The following BIK variants were observed in gnomAD, a reference collection of about 807,000 sequenced individuals.
BIK encodes bcl-2-interacting killer.
A neutral mutation model predicts 12.1 loss-of-function variants in BIK; 14 were observed. The ratio of observed to expected loss-of-function variants is 1.16; its 90% CI spans 0.77 to 1.81. The LOEUF (loss-of-function observed/expected upper bound fraction) is 1.81, where lower values mean the gene tolerates loss of function less well. Ranked by LOEUF, BIK falls within the 40% of genes most tolerant of loss-of-function variation. The probability of loss-of-function intolerance (pLI) is 0.00; values close to 1 mark genes in which losing one functional copy is unlikely to be tolerated. For synonymous variants in BIK, 86 were observed against 92.3 expected, an observed-to-expected ratio of 0.93 and a Z score of 0.39; for missense variants, 215 against 207.9, an observed-to-expected ratio of 1.03 and a Z score of -0.21.
chr22:43,121,400 C>T (rs1930216547), intron 1 of BIK, among the ~76,000 whole-genome samples: 1 of 152,186 alleles, frequency 6.6e-6, no homozygotes, highest in Admixed American at 6.6e-5. Context: ...CTGCACTCTG[C>T]TGCAGACCCT....
chr22:43,114,620 G>T (rs1930075095), intron 1 of BIK, among the ~76,000 whole-genome samples: 2 of 152,066 alleles, frequency 1.3e-5, no homozygotes, highest in Non-Finnish European at 2.9e-5. Flanking sequence ...CATTTATTGT[G>T]TGTGACAGTA....
intron 1 of BIK, among the ~76,000 whole-genome samples, chr22:43,123,420 T>C (rs1365413919): frequency 2.0e-5 from 3 of 152,070 alleles, no homozygotes; most frequent in Admixed American, 6.6e-5. Context: ...CGAGGAGAAC[T>C]TCTAATATTT....
chr22:43,113,793 G>C (rs181630182), intron 1 of BIK, among the ~76,000 whole-genome samples: 64 of 152,202 alleles, frequency 4.2e-4, no homozygotes, highest in African/African-American at 1.4e-3. Context: ...ATGGCTTTTT[G>C]CTTCCCCTGC....
Position 43,129,298 on chromosome 22 carries a change from T to G in BIK, c.476T>G (p.Leu159Arg). ...PLLSGGLHLL[L>R]K is the part of the protein sequence containing the mutation. ...CTCAGCGGGGGCCTGCACCTGCTGC[T>G]CAAGTGAGGCCCCGGCGGCTCAGGG... The change falls in exon 5 of 5, where the codon CTC becomes CGC. Residue 159 changes from leucine (L) to arginine (R), a missense_variant. Physicochemically the swap from Leu to Arg is moderately radical, Grantham distance 102. Transcript: ENST00000216115. 2 of 1,599,428 alleles carry G rather than the reference T, an allele frequency of 1.3e-6. No homozygotes were observed. Among genetic ancestry groups the G allele is most frequent in the Non-Finnish European group, 1.7e-6 (2 of 1,179,056 alleles).
At chr22:43,118,404 G>C (rs778551861) in intron 1 of BIK, among the ~76,000 whole-genome samples, 2 of 152,202 alleles carry the variant, frequency 1.3e-5, no homozygotes, top group Non-Finnish European at 2.9e-5. Flanking sequence ...CATCCTCTCA[G>C]CAGCCCTGGA....
intron 1 of BIK, among the ~76,000 whole-genome samples, chr22:43,121,387 G>C (rs1053975615): frequency 6.6e-6 from 1 of 152,162 alleles, no homozygotes; most frequent in Non-Finnish European, 1.5e-5. Flanking sequence ...AGGTAGGCCT[G>C]ACCTGCACTC....
chr22:43,129,155 G>T (rs199816185), intron 4 of BIK, 58 bp from the exon 5 acceptor site: 13 of 1,599,360 alleles, frequency 8.1e-6, no homozygotes, highest in Non-Finnish European at 1.1e-5. Context: ...GCTGTCACCC[G>T]TCTGGCCCCA....
rs536702353 is a variant in BIK at position 43,126,029 on chromosome 22, CT to C, written c.162-1651del. ...ATCCCAGCGGCAGGAAGGACCTGCA[CT>C]TTTTTTTTTTTTTTTTGAGACAGAG... On this transcript the variant is annotated intron_variant, in intron 2 of 4. Transcript: ENST00000216115. 5.0e-3 allele frequency among the ~76,000 whole-genome samples: 699 copies of C among 140,636 alleles called. 9 individuals are homozygous for C. The highest frequency in any genetic ancestry group is 0.015 in the African/African-American group (555 of 37,538). The allele number at this position is 140,636 out of a possible 152,430, so 92.3% of individuals were successfully genotyped here. A position where few individuals can be genotyped will look rare whatever the true frequency, so the allele number is the denominator to read the frequency against.
intron 1 of BIK, among the ~76,000 whole-genome samples, chr22:43,111,159 A>C (rs1930002247): frequency 6.6e-6 from 1 of 151,840 alleles, no homozygotes; most frequent in Admixed American, 6.5e-5. Flanking sequence ...CCGGCTCCGA[A>C]CTCTGGGGTC....
At position 43,128,595 on chromosome 22, in the gene BIK, G is replaced by A. The variant is rs1930370647; in HGVS notation, c.360G>A (p.Arg120=). Residue 120 remains arginine (R), a synonymous_variant, in exon 4 of 5, where the codon AGG becomes AGA. Transcript: ENST00000216115. ...CCACACTTAAGGAGAACATAATGAG[G>A]TTCTGGAGATCCCCGAACCCCGGGT... is the stretch of plus-strand genomic sequence containing the variant. ...GFTTLKENIM[R]FWRSPNPGSW... 6.2e-7 allele frequency: 1 copy of A among 1,613,126 alleles called. No homozygotes were observed. Among genetic ancestry groups the A allele is most frequent in the South Asian group, 1.1e-5 (1 of 91,024 alleles).
intron 1 of BIK, among the ~76,000 whole-genome samples, chr22:43,115,879 C>G (rs1930103063): frequency 6.6e-6 from 1 of 152,092 alleles, no homozygotes; most frequent in East Asian, 1.9e-4. Flanking sequence ...GCCTTAGTCT[C>G]CCGAGTAGCT....
rs753182247 is a variant in BIK at position 43,124,192 on chromosome 22, C to T, written c.161+9C>T. ...GAATGCATGGAGGGCAGGTAGGTCCCCATGGCCTGCCCTACCCCCTGCCTG... is the reference window on the plus strand; with the variant it reads ...GAATGCATGGAGGGCAGGTAGGTCCTCATGGCCTGCCCTACCCCCTGCCTG... On this transcript the variant is annotated intron_variant, in intron 2 of 4. Coordinates refer to ENST00000216115, the MANE Select transcript of BIK (RefSeq NM_001197.5). 2 of 1,613,428 alleles carry T rather than the reference C, an allele frequency of 1.2e-6. No individual in the cohort carries two copies. Among genetic ancestry groups the T allele is most frequent in the Non-Finnish European group, 1.7e-6 (2 of 1,179,846 alleles).
At chr22:43,117,207 A>G (rs1930132553) in intron 1 of BIK, among the ~76,000 whole-genome samples, 1 of 152,144 alleles carries the variant, frequency 6.6e-6, no homozygotes, top group Admixed American at 6.6e-5. Context: ...CAGGCAGCCA[A>G]GCCCATCCTG....
intron 1 of BIK, among the ~76,000 whole-genome samples, chr22:43,118,495 G>C (rs185071872): frequency 6.6e-6 from 1 of 152,186 alleles, no homozygotes; most frequent in Non-Finnish European, 1.5e-5. Flanking sequence ...GGGTGGAACT[G>C]AGGTCCAGCC....
chr22:43,129,151 A>G, intron 4 of BIK, 62 bp from the exon 5 acceptor site: 1 of 1,598,782 alleles, frequency 6.3e-7, no homozygotes, highest in Non-Finnish European at 8.5e-7. Flanking sequence ...CTCCGCTGTC[A>G]CCCGTCTGGC....
At chr22:43,122,120 C>A (rs561846345) in intron 1 of BIK, among the ~76,000 whole-genome samples, 1 of 152,286 alleles carries the variant, frequency 6.6e-6, no homozygotes, top group Admixed American at 6.5e-5. Context: ...TCCTGCCTGC[C>A]GTCAGTTTTC....
rs779391971 is a variant in BIK at position 43,127,728 on chromosome 22, G to A, written c.193G>A (p.Gly65Arg). 29 of 1,555,968 alleles carry A rather than the reference G, an allele frequency of 1.9e-5. No homozygotes were observed. The highest frequency in any genetic ancestry group is 1.8e-4 in the African/African-American group (13 of 73,336). Reference sequence around the variant, plus strand: ...ATTGGCCCTGCGGCTGGCCTGCATCGGGGACGAGATGGACGTGAGCCTCAG... The same window carrying A: ...ATTGGCCCTGCGGCTGGCCTGCATCAGGGACGAGATGGACGTGAGCCTCAG... ...DALALRLACIGDEMDVSLRAP... is the reference protein window; with the variant it reads ...DALALRLACIRDEMDVSLRAP... Residue 65 changes from glycine to arginine, a missense_variant, in exon 3 of 5, where the codon GGG becomes AGG. Physicochemically the swap from Gly to Arg is moderately radical, Grantham distance 125 (BLOSUM62 -2). Coordinates refer to ENST00000216115, the MANE Select transcript of BIK (RefSeq NM_001197.5).
At chr22:43,114,706 G>T (rs1302079659) in intron 1 of BIK, among the ~76,000 whole-genome samples, 1 of 152,240 alleles carries the variant, frequency 6.6e-6, no homozygotes, top group South Asian at 2.1e-4. Context: ...GAAATTCCCT[G>T]TGCAGACAAT....
chr22:43,123,523 G>A (rs4988411), intron 1 of BIK, among the ~76,000 whole-genome samples: 2,491 of 152,240 alleles, frequency 0.016, 73 homozygotes, highest in African/African-American at 0.058. Flanking sequence ...CCGAGGTGGG[G>A]TGGATCACTT....
Sources: gnomAD v4.1 joint callset for allele counts (sites outside exome capture counted in the v4.1 genomes callset) on GRCh38, gnomAD v4.1.1 for gene constraint, MANE v1.5 for transcripts, NCBI Gene and HGNC (gene_info 2026-07-23, HGNC 2026-07-21) for gene names.